RAPGEF5: variants seen among roughly 807,000 people sequenced by gnomAD.
RAPGEF5 encodes Rap guanine nucleotide exchange factor 5.
In RAPGEF5, 65 loss-of-function variants were observed where a neutral mutation model predicts 125.2. The observed-to-expected ratio is 0.52, with a 90% CI of 0.43 to 0.64. The LOEUF (loss-of-function observed/expected upper bound fraction) is 0.64, where lower values mean the gene tolerates loss of function less well. Among genes scored for constraint, RAPGEF5 ranks in the 30% least tolerant of loss-of-function variants. The probability of loss-of-function intolerance (pLI) is 0.00; values close to 1 mark genes in which losing one functional copy is unlikely to be tolerated. For synonymous variants in RAPGEF5, 391 were observed against 385.9 expected (o/e 1.01, Z -0.16); for missense variants, 958 against 1,048.1 (o/e 0.91, Z 1.19).
chr7:22,125,696 C>T (rs368990901), intron 24 of RAPGEF5, 38 bp from the exon 25 acceptor site: 51 of 1,560,072 alleles, frequency 3.3e-5, no homozygotes, highest in Admixed American at 5.0e-5. Flanking sequence ...ATGGAAGGGT[C>T]GTTGAGGGTG....
chr7:22,177,468 A>T (rs1784543876), intron 11 of RAPGEF5, among the ~76,000 whole-genome samples: 1 of 152,252 alleles, frequency 6.6e-6, no homozygotes, highest in African/African-American at 2.4e-5. Context: ...TGCACCAGGT[A>T]GCCAGAGTGG....
intron 11 of RAPGEF5, chr7:22,192,734 G>A (rs1464001803): frequency 6.6e-6 from 1 of 152,488 alleles, no homozygotes; most frequent in Non-Finnish European, 1.5e-5. Context: ...AAGTGTATGG[G>A]TGAAAAAGCA....
chr7:22,353,358 T>C (rs1784363487), intron 1 of RAPGEF5, among the ~76,000 whole-genome samples: 2 of 152,226 alleles, frequency 1.3e-5, no homozygotes, highest in African/African-American at 4.8e-5. Context: ...AATTTGAATA[T>C]GGAAATTATA....
intron 1 of RAPGEF5, among the ~76,000 whole-genome samples, chr7:22,331,079 C>G (rs188067698): frequency 6.6e-6 from 1 of 152,246 alleles, no homozygotes; most frequent in East Asian, 1.9e-4. Context: ...CTCTCCAGTT[C>G]GACACCAGAG....
chr7:22,210,116 T>C (rs567433238), intron 9 of RAPGEF5, among the ~76,000 whole-genome samples: 1 of 152,330 alleles, frequency 6.6e-6, no homozygotes, highest in East Asian at 1.9e-4. Context: ...TATCTAAAGT[T>C]CTTTCTAATG....
intron 11 of RAPGEF5, among the ~76,000 whole-genome samples, chr7:22,171,620 T>C (rs1265485205): frequency 2.0e-5 from 3 of 152,218 alleles, no homozygotes; most frequent in Non-Finnish European, 2.9e-5. Context: ...GGCCTCAGCC[T>C]CCTGAGTAGT....
At chr7:22,260,894 T>C (rs964567749) in intron 7 of RAPGEF5, among the ~76,000 whole-genome samples, 9 of 152,278 alleles carry the variant, frequency 5.9e-5, no homozygotes, top group Admixed American at 2.6e-4. Context: ...GAAAGGTAAA[T>C]AGATCAGTGG....
At chr7:22,312,960 G>T (rs1258782031) in intron 3 of RAPGEF5, among the ~76,000 whole-genome samples, 1 of 152,178 alleles carries the variant, frequency 6.6e-6, no homozygotes, top group Admixed American at 6.5e-5. Context: ...AAGAGAGATG[G>T]TTGGAACAGA....
intron 1 of RAPGEF5, among the ~76,000 whole-genome samples, chr7:22,344,658 G>C (rs572265325): frequency 6.6e-6 from 1 of 152,320 alleles, no homozygotes; most frequent in East Asian, 1.9e-4. Context: ...CAGCCTCCAC[G>C]GTGCAGACCA....
Position 22,184,578 on chromosome 7 carries a change from C to G in RAPGEF5, c.1204+8789G>C, listed in dbSNP as rs1397778858. ...TGCTATACTCCTATTAAACATATCC[C>G]TATCCATTAAATATCTTCCTTTGCC... On this transcript the variant is annotated intron_variant, in intron 11 of 25. Coordinates refer to ENST00000665637, the MANE Select transcript of RAPGEF5 (RefSeq NM_012294.5). Among the ~76,000 whole-genome samples, 7 of 152,160 alleles carry G rather than the reference C, an allele frequency of 4.6e-5. No individual in the cohort carries two copies. In the East Asian group the frequency reaches 1.3e-3, roughly 29 times the overall value.
intron 1 of RAPGEF5, among the ~76,000 whole-genome samples, chr7:22,341,686 TC>T (rs1241413879): frequency 6.6e-6 from 1 of 152,144 alleles, no homozygotes; most frequent in Non-Finnish European, 1.5e-5. Context: ...CCTGTATCAG[TC>T]CAAAATCCAG....
In RAPGEF5 at chr7:22,160,538, T is replaced by C. The variant is rs377244371; in HGVS notation, c.1506A>G (p.Ile502Met). The change falls in exon 14 of 26, where the codon ATA becomes ATG. Residue 502 changes from isoleucine (I) to methionine (M), a missense_variant. Ile to Met is a conservative substitution (Grantham distance 10). Transcript: ENST00000665637. ...LEKELKEFQK[I>M]LGMHRRHTVD... ...CTTACTGACGACGGTGCATTCCAAG[T>C]ATCTTTTGAAATTCTTTCAATTCTT... The C allele has an allele frequency of 1.0e-5, 16 of 1,548,248 alleles. No individual in the cohort carries two copies. In the African/African-American group the frequency reaches 1.8e-4, roughly 17 times the overall value.
At chr7:22,161,537 A>AACACACACACACACACAC (rs369030719) in intron 13 of RAPGEF5, among the ~76,000 whole-genome samples, 113 of 136,116 alleles carry the variant, frequency 8.3e-4, no homozygotes, top group African/African-American at 2.3e-3. Context: ...ACCCTGTCTC[A>AACACACACACACACACAC]ACACACACAC....
At chr7:22,212,773 A>C (rs1054869889) in intron 9 of RAPGEF5, among the ~76,000 whole-genome samples, 2 of 152,226 alleles carry the variant, frequency 1.3e-5, no homozygotes, top group Admixed American at 6.5e-5. Flanking sequence ...ATTAATGCAG[A>C]TCAGGCCTTG....
chr7:22,197,178 T>C lies in RAPGEF5; in HGVS notation c.997-3145A>G, dbSNP rs1355186963. On this transcript the variant is annotated intron_variant, in intron 9 of 25. Transcript: ENST00000665637. ...TAAGAAAAAGTGATGATGAGGTCAC[T>C]TTAGGTCAGGAGTGGGGAAAATGTG... is the stretch of plus-strand genomic sequence containing the variant. Among the ~76,000 whole-genome samples the C allele has an allele frequency of 2.0e-5, 3 of 152,124 alleles. No individual in the cohort carries two copies. The East Asian group carries it at 5.8e-4, about 29-fold the overall frequency.
intron 1 of RAPGEF5, among the ~76,000 whole-genome samples, chr7:22,320,408 A>C (rs1376613776): frequency 6.6e-6 from 1 of 152,204 alleles, no homozygotes; most frequent in Non-Finnish European, 1.5e-5. Flanking sequence ...AACATGGGGA[A>C]TATTCCATCC....
chr7:22,266,821 T>C (rs1015091464), intron 7 of RAPGEF5, 143 bp downstream of exon 7: 5 of 712,486 alleles, frequency 7.0e-6, no homozygotes, highest in Non-Finnish European at 1.1e-5. Context: ...GTAGAACAAA[T>C]GATTTTTAAA....
chr7:22,135,942 G>A, intron 23 of RAPGEF5, 96 bp downstream of exon 23: 2 of 906,358 alleles, frequency 2.2e-6, no homozygotes, highest in East Asian at 2.6e-5. Context: ...TAACTGTAAA[G>A]AGACAAAATG....
In RAPGEF5 at chr7:22,316,474, TA is replaced by T. The variant is rs1562525599; in HGVS notation, c.283-999del. Among the ~76,000 whole-genome samples the T allele has an allele frequency of 7.7e-3, 440 of 57,266 alleles. 6 individuals carry two copies. Among genetic ancestry groups the T allele is most frequent in the African/African-American group, 0.028 (394 of 14,234 alleles). The allele number at this position is 57,266 out of a possible 152,430, so 37.6% of individuals were successfully genotyped here. A position where few individuals can be genotyped will look rare whatever the true frequency, so the allele number is the denominator to read the frequency against. ...GTATACATAGACATATATATATATA[TA>T]TATATATATATATATTTTTTTTTTT... On this transcript the variant is annotated intron_variant, in intron 2 of 25. Transcript: ENST00000665637.
Sources: allele counts gnomAD v4.1 joint callset (sites outside exome capture counted in the v4.1 genomes callset), GRCh38; gene constraint gnomAD v4.1.1; transcripts MANE v1.5; gene names NCBI Gene and HGNC (gene_info 2026-07-23, HGNC 2026-07-21).